KCNH5: variants seen among roughly 807,000 people sequenced by gnomAD.
KCNH5 encodes potassium voltage-gated channel subfamily H member 5, also known as voltage-gated delayed rectifier potassium channel KCNH5.
KCNH5 carries 46 observed loss-of-function variants against 96.1 expected under a neutral mutation model. The observed-to-expected ratio is 0.48, with a 90% CI of 0.38 to 0.61. The LOEUF (loss-of-function observed/expected upper bound fraction) is 0.61. Among genes scored for constraint, KCNH5 ranks in the 20% least tolerant of loss-of-function variants. The pLI, the probability that KCNH5 is intolerant of heterozygous loss-of-function variation, is 0.00. For missense variants in KCNH5, 907 were observed against 1,225.8 expected (o/e 0.74, Z 3.88); for synonymous variants, 439 against 449.8 (o/e 0.98, Z 0.30).
At chr14:63,005,923 T>C (rs1473985080) in intron 3 of KCNH5, among the ~76,000 whole-genome samples, 4 of 152,222 alleles carry the variant, frequency 2.6e-5, no homozygotes, top group Non-Finnish European at 5.9e-5. Context: ...AAAGGCCATA[T>C]TGGTAGAGAT....
rs578039931 is a variant in KCNH5, at chr14:62,715,780, G to A, written c.2020-7325C>T. Among the ~76,000 whole-genome samples the A allele has an allele frequency of 1.2e-4, 18 of 152,016 alleles. No individual in the cohort carries two copies. The South Asian group carries it at 3.8e-3, about 32-fold the overall frequency. On this transcript the variant is annotated intron_variant, in intron 10 of 10. Coordinates refer to ENST00000322893, the MANE Select transcript of KCNH5 (RefSeq NM_139318.5). ...TAATTAAGTAAATGTAAAGAAAAAGGAAGGAAGGAAAATGGGTAGAGAGGA... is the reference window on the plus strand; with the variant it reads ...TAATTAAGTAAATGTAAAGAAAAAGAAAGGAAGGAAAATGGGTAGAGAGGA...
intron 1 of KCNH5, among the ~76,000 whole-genome samples, chr14:63,023,290 A>C (rs1341010470): frequency 1.3e-5 from 2 of 152,172 alleles, no homozygotes. Flanking sequence ...TTTTGCTCAC[A>C]TTTGATTTCT....
intron 8 of KCNH5, among the ~76,000 whole-genome samples, chr14:62,813,448 T>A (rs1471736074): frequency 6.6e-6 from 1 of 152,180 alleles, no homozygotes; most frequent in Non-Finnish European, 1.5e-5. Context: ...CTGAAGGTAG[T>A]AAACTAAACA....
intron 2 of KCNH5, among the ~76,000 whole-genome samples, chr14:63,016,455 ACT>A (rs1025990071): frequency 6.6e-5 from 10 of 151,900 alleles, no homozygotes; most frequent in Non-Finnish European, 1.3e-4. Flanking sequence ...GGTGGTGTTT[ACT>A]CTGTTTTATT....
intron 7 of KCNH5, among the ~76,000 whole-genome samples, chr14:62,892,855 A>AC (rs919725571): frequency 6.6e-6 from 1 of 151,902 alleles, no homozygotes; most frequent in Non-Finnish European, 1.5e-5. Flanking sequence ...GACCTGGTGT[A>AC]CCCCCCCAAA....
At chr14:62,871,020 C>A (rs578161598) in intron 7 of KCNH5, among the ~76,000 whole-genome samples, 1 of 152,180 alleles carries the variant, frequency 6.6e-6, no homozygotes, top group Non-Finnish European at 1.5e-5. Context: ...AATAGGCTCT[C>A]TCTGTTTATA....
At chr14:62,826,071 T>A (rs1159196833) in intron 8 of KCNH5, among the ~76,000 whole-genome samples, 1 of 152,130 alleles carries the variant, frequency 6.6e-6, no homozygotes, top group Non-Finnish European at 1.5e-5. Flanking sequence ...ACATCCATTC[T>A]TATTTTTGTG....
intron 10 of KCNH5, among the ~76,000 whole-genome samples, chr14:62,743,070 G>C (rs569336363): frequency 5.9e-5 from 9 of 151,824 alleles, no homozygotes; most frequent in Non-Finnish European, 1.3e-4. Context: ...CTACAAGTGA[G>C]TTTTCCCGTC....
intron 7 of KCNH5, among the ~76,000 whole-genome samples, chr14:62,859,379 C>T (rs1393098164): frequency 1.3e-5 from 2 of 152,070 alleles, no homozygotes; most frequent in Non-Finnish European, 2.9e-5. Flanking sequence ...TGTTCATGGG[C>T]GATGACGGGG....
rs181567809 is a variant in KCNH5, at chr14:62,942,558, C to G, written c.1369+7575G>C. 2.0e-4 allele frequency among the ~76,000 whole-genome samples: 30 copies of G among 152,256 alleles called. No individual in the cohort carries two copies. The East Asian group carries it at 4.6e-3, about 24-fold the overall frequency. On this transcript the variant is annotated intron_variant, in intron 7 of 10. Coordinates refer to ENST00000322893, the MANE Select transcript of KCNH5 (RefSeq NM_139318.5). ...TCTCCTCTGTATGGTGCTGATTGAC[C>G]AGTGTGCAACTAAATGCTTCCCAGT... is the stretch of plus-strand genomic sequence containing the variant.
intron 8 of KCNH5, among the ~76,000 whole-genome samples, chr14:62,825,075 T>C (rs1373183566): frequency 1.3e-5 from 2 of 152,206 alleles, no homozygotes; most frequent in African/African-American, 2.4e-5. Flanking sequence ...CATATGGGTG[T>C]ACGTGTCTTT....
At chr14:62,877,966 C>G (rs1272405945) in intron 7 of KCNH5, among the ~76,000 whole-genome samples, 1 of 151,528 alleles carries the variant, frequency 6.6e-6, no homozygotes, top group African/African-American at 2.4e-5. Flanking sequence ...CAATGATAGA[C>G]TGGATTAAGA....
At chr14:63,015,168 G>A (rs1460860845) in intron 2 of KCNH5, among the ~76,000 whole-genome samples, 2 of 152,100 alleles carry the variant, frequency 1.3e-5, no homozygotes, top group East Asian at 1.9e-4. Flanking sequence ...GAGAATGTTT[G>A]AGCAGATTAT....
intron 6 of KCNH5, among the ~76,000 whole-genome samples, chr14:62,963,328 G>A (rs1890247828): frequency 6.6e-6 from 1 of 151,984 alleles, no homozygotes; most frequent in South Asian, 2.1e-4. Context: ...CTCCACTGGG[G>A]GTCTTGGAAT....
rs191004529 is a variant in KCNH5, at chr14:62,810,208, G to A, written c.1570-7627C>T. ...AACTCAAGAGTTATAAATGGCCCTC[G>A]CCATACTGATGTTTTCTGACTAAGC... On this transcript the variant is annotated intron_variant, in intron 8 of 10. Coordinates refer to ENST00000322893, the MANE Select transcript of KCNH5 (RefSeq NM_139318.5). Among the ~76,000 whole-genome samples the A allele has an allele frequency of 2.5e-3, 375 of 152,002 alleles. 2 individuals are homozygous for A. Among genetic ancestry groups the A allele is most frequent in the African/African-American group, 8.5e-3 (352 of 41,494 alleles).
At chr14:62,755,712 A>T (rs940247467) in intron 10 of KCNH5, among the ~76,000 whole-genome samples, 1 of 152,228 alleles carries the variant, frequency 6.6e-6, no homozygotes, top group African/African-American at 2.4e-5. Context: ...CCTTCAACAA[A>T]ATACTAGCAA....
At chr14:62,834,967 C>T (rs887186823) in intron 8 of KCNH5, among the ~76,000 whole-genome samples, 10 of 151,928 alleles carry the variant, frequency 6.6e-5, no homozygotes, top group African/African-American at 2.4e-5. Context: ...AAAAAATTTT[C>T]TGATCCCTCA....
chr14:62,806,446 T>C (rs932663008), intron 8 of KCNH5, among the ~76,000 whole-genome samples: 1 of 152,064 alleles, frequency 6.6e-6, no homozygotes, highest in Non-Finnish European at 1.5e-5. Context: ...GAAGAGACTA[T>C]AGTGCAGAAA....
At chr14:62,962,512 C>T (rs1890232493) in intron 6 of KCNH5, among the ~76,000 whole-genome samples, 1 of 152,070 alleles carries the variant, frequency 6.6e-6, no homozygotes, top group African/African-American at 2.4e-5. Context: ...AAATAATTCA[C>T]ACAGCAAGAC....
Sources: allele counts gnomAD v4.1 joint callset (sites outside exome capture counted in the v4.1 genomes callset), GRCh38; gene constraint gnomAD v4.1.1; transcripts MANE v1.5; gene names NCBI Gene and HGNC (gene_info 2026-07-23, HGNC 2026-07-21).